IL31RA: variants seen among roughly 807,000 people sequenced by gnomAD.
IL31RA encodes the protein interleukin 31 receptor A, also known as interleukin-31 receptor subunit alpha.
A neutral mutation model predicts 83.7 loss-of-function variants in IL31RA; 66 were observed. That is an observed-to-expected ratio of 0.79 (90% CI 0.65 to 0.97). The LOEUF (loss-of-function observed/expected upper bound fraction) is 0.97, where lower values mean the gene tolerates loss of function less well. IL31RA is among the 50% of genes least tolerant of loss of function. The pLI is 0.00. For missense variants in IL31RA, 798 were observed against 919.4 expected (o/e 0.87, Z 1.71); for synonymous variants, 325 against 329.0 (o/e 0.99, Z 0.13).
intron 9 of IL31RA, 145 bp downstream of exon 9, chr5:55,906,433 G>GCT: frequency 1.2e-6 from 1 of 817,536 alleles, no homozygotes; most frequent in Non-Finnish European, 2.0e-6. Context: ...GAAGTGACAC[G>GCT]CTTCTTGGTA....
intron 11 of IL31RA, chr5:55,908,645 A>T: frequency 6.5e-7 from 1 of 1,539,318 alleles, no homozygotes; most frequent in Non-Finnish European, 8.8e-7. Flanking sequence ...GAGGAAATGG[A>T]AGGAGTTGTT....
At chr5:55,906,360 T>C in intron 9 of IL31RA, 72 bp downstream of exon 9, 5 of 1,435,022 alleles carry the variant, frequency 3.5e-6, no homozygotes, top group African/African-American at 1.4e-5. Flanking sequence ...TTTAGATCTT[T>C]AACTTTGGCT....
chr5:55,878,664 CT>C (rs1311100125), intron 4 of IL31RA, among the ~76,000 whole-genome samples: 5 of 151,574 alleles, frequency 3.3e-5, no homozygotes, highest in South Asian at 2.1e-4. Context: ...TTTTTTTCTT[CT>C]TTTTTTGAGA....
intron 1 of IL31RA, among the ~76,000 whole-genome samples, chr5:55,855,829 T>G (rs1226896239): frequency 4.6e-5 from 7 of 152,246 alleles, no homozygotes; most frequent in Non-Finnish European, 1.0e-4. Context: ...TAGATTTGTT[T>G]GCAGTCGTTC....
chr5:55,869,165 G>T (rs377000133), intron 3 of IL31RA, among the ~76,000 whole-genome samples: 3 of 152,250 alleles, frequency 2.0e-5, no homozygotes, highest in African/African-American at 7.2e-5. Flanking sequence ...GGAAAAATCT[G>T]TTTATTTACT....
chr5:55,888,052 A>C (rs534329649), intron 5 of IL31RA, among the ~76,000 whole-genome samples: 10 of 152,092 alleles, frequency 6.6e-5, no homozygotes, highest in South Asian at 6.2e-4. Flanking sequence ...AAAAAAAAAA[A>C]AACAAAAAAC....
rs138140034 is a variant in IL31RA, at chr5:55,909,497, A to G, written c.1502-1035A>G. Among the ~76,000 whole-genome samples the G allele has an allele frequency of 4.6e-5, 7 of 152,250 alleles. No homozygotes were observed. In the East Asian group the frequency reaches 1.3e-3, roughly 29 times the overall value. On this transcript the variant is annotated intron_variant, in intron 11 of 14. Coordinates refer to ENST00000652347, the MANE Select transcript of IL31RA (RefSeq NM_139017.7). The stretch of plus-strand genomic sequence containing the variant: ...TTGAGGAGCCACCAAACAGTTTTCC[A>G]CAGTGACTACTCCACACTATACATT...
At position 55,920,999 on chromosome 5, in the gene IL31RA, T is replaced by C. The variant is rs1258420190; in HGVS notation, c.*3879T>C. 6.6e-6 allele frequency among the ~76,000 whole-genome samples: 1 copy of C among 152,110 alleles called. No homozygotes were observed. The highest frequency in any genetic ancestry group is 1.5e-5 in the Non-Finnish European group (1 of 68,030). ...GAGGCCGGCAATGCTGGAAATTATC[T>C]TATAATGCGCAGAACAGCCCTCACA... On this transcript the variant is annotated 3_prime_UTR_variant, in exon 15 of 15. Coordinates refer to ENST00000652347, the MANE Select transcript of IL31RA (RefSeq NM_139017.7).
In IL31RA at chr5:55,896,369, G is replaced by A. The variant is rs892835894; in HGVS notation, c.792G>A (p.Leu264=). ...TEEEAPCGLE[L]WRVLKPAEAD... Reference sequence around the variant, plus strand: ...TTACAGCTCCATGTGGCCTGGAACTGTGGAGAGTCCTGAAACCAGCTGAGG... The same window carrying A: ...TTACAGCTCCATGTGGCCTGGAACTATGGAGAGTCCTGAAACCAGCTGAGG... The change falls in exon 7 of 15, where the codon CTG becomes CTA. Residue 264 remains leucine, a synonymous_variant. Coordinates refer to ENST00000652347, the MANE Select transcript of IL31RA (RefSeq NM_139017.7). 28 of 1,613,362 alleles carry A rather than the reference G, an allele frequency of 1.7e-5. No homozygotes were observed. The highest frequency in any genetic ancestry group is 2.4e-5 in the Non-Finnish European group (28 of 1,179,496).
chr5:55,847,253 A>G (rs200096423), upstream of IL31RA, among the ~76,000 whole-genome samples: 197 of 90,982 alleles, frequency 2.2e-3, no homozygotes, highest in African/African-American at 6.3e-3. Flanking sequence ...AAAAATAAAT[A>G]AATAAATAAA....
intron 4 of IL31RA, among the ~76,000 whole-genome samples, chr5:55,873,983 A>G (rs1296509686): frequency 6.6e-6 from 1 of 152,128 alleles, no homozygotes; most frequent in African/African-American, 2.4e-5. Context: ...AGAAAGATTT[A>G]CTGCTGTAGT....
rs778819834 is a variant in IL31RA, at chr5:55,883,166, C to G, written c.577C>G (p.Arg193Gly). ...TTCATCTGATTTAAAATACACACTT[C>G]GATTCAGGACAGTCAACAGTACCAG... Reference protein sequence around the residue: ...PVSSDLKYTLRFRTVNSTSWM... With the variant: ...PVSSDLKYTLGFRTVNSTSWM... Residue 193 changes from arginine to glycine, a missense_variant, in exon 5 of 15, where the codon CGA becomes GGA. By Grantham distance (125) the Arg-to-Gly change is moderately radical (BLOSUM62 -2). Transcript: ENST00000652347. 1 of 1,613,728 alleles carries G rather than the reference C, an allele frequency of 6.2e-7. No individual in the cohort carries two copies. Among genetic ancestry groups the G allele is most frequent in the African/African-American group, 1.3e-5 (1 of 74,882 alleles).
intron 3 of IL31RA, among the ~76,000 whole-genome samples, chr5:55,869,139 C>T (rs1746363797): frequency 6.6e-6 from 1 of 152,170 alleles, no homozygotes; most frequent in Non-Finnish European, 1.5e-5. Context: ...GATGAGTCAC[C>T]AGTTATAAGC....
chr5:55,909,707 C>CT (rs113348837), intron 11 of IL31RA, among the ~76,000 whole-genome samples: 101,892 of 143,348 alleles, frequency 0.71, 36,183 homozygotes, highest in East Asian at 0.82. Context: ...ATTTGTATAT[C>CT]TTTTTTTTTT....
At chr5:55,890,707 A>G (rs1747930625) in intron 6 of IL31RA, among the ~76,000 whole-genome samples, 1 of 152,244 alleles carries the variant, frequency 6.6e-6, no homozygotes, top group African/African-American at 2.4e-5. Flanking sequence ...TGATAAATTA[A>G]AGATACATAT....
At chr5:55,878,311 G>A (rs188733949) in intron 4 of IL31RA, among the ~76,000 whole-genome samples, 43 of 152,118 alleles carry the variant, frequency 2.8e-4, no homozygotes, top group African/African-American at 8.4e-4. Context: ...ATCATTTTAG[G>A]GTCTTGGTCT....
upstream of IL31RA, among the ~76,000 whole-genome samples, chr5:55,850,612 C>A (rs1021812944): frequency 6.6e-6 from 1 of 152,036 alleles, no homozygotes; most frequent in Admixed American, 6.5e-5. Flanking sequence ...GTTTTTTCCC[C>A]CCATCTGCTG....
At chr5:55,888,753 G>C (rs185731433) in intron 5 of IL31RA, among the ~76,000 whole-genome samples, 1,860 of 152,226 alleles carry the variant, frequency 0.012, 17 homozygotes, top group Middle Eastern at 0.041. Context: ...CATCTCCGGG[G>C]CCTGTTTGAA....
At chr5:55,855,412 T>C (rs1745297715) in intron 1 of IL31RA, among the ~76,000 whole-genome samples, 1 of 152,146 alleles carries the variant, frequency 6.6e-6, no homozygotes, top group Non-Finnish European at 1.5e-5. Flanking sequence ...AACCCAGTTC[T>C]ATACTGCAGG....
Sources: gnomAD v4.1 joint callset for allele counts (sites outside exome capture counted in the v4.1 genomes callset) on GRCh38, gnomAD v4.1.1 for gene constraint, MANE v1.5 for transcripts, NCBI Gene and HGNC (gene_info 2026-07-23, HGNC 2026-07-21) for gene names.